XKR4: variants seen among roughly 807,000 people sequenced by gnomAD.
The protein encoded by XKR4 is XK related 4.
XKR4 carries 12 observed loss-of-function variants against 53.9 expected under a neutral mutation model. The observed-to-expected ratio is 0.22, with a 90% CI of 0.14 to 0.36. The LOEUF (loss-of-function observed/expected upper bound fraction) is 0.36, where lower values mean the gene tolerates loss of function less well. Among genes scored for constraint, XKR4 ranks in the 10% least tolerant of loss-of-function variants. The probability of loss-of-function intolerance (pLI) is 1.00; values close to 1 mark genes in which losing one functional copy is unlikely to be tolerated. For synonymous variants in XKR4, 354 were observed against 362.4 expected, an observed-to-expected ratio of 0.98 and a Z score of 0.26; for missense variants, 799 against 859.5, an observed-to-expected ratio of 0.93 and a Z score of 0.88.
chr8:55,291,911 G>C (rs1735055931), intron 1 of XKR4, among the ~76,000 whole-genome samples: 1 of 152,008 alleles, frequency 6.6e-6, no homozygotes, highest in African/African-American at 2.4e-5. Context: ...GTAGAATTTT[G>C]TCAAATGCTT....
intron 1 of XKR4, among the ~76,000 whole-genome samples, chr8:55,210,461 T>C (rs1817714708): frequency 6.6e-6 from 1 of 152,272 alleles, no homozygotes; most frequent in Non-Finnish European, 1.5e-5. Flanking sequence ...GTGATCAAGA[T>C]TAACTGCTGT....
intron 1 of XKR4, among the ~76,000 whole-genome samples, chr8:55,305,956 A>G (rs1041221328): frequency 1.3e-5 from 2 of 152,250 alleles, no homozygotes; most frequent in Non-Finnish European, 2.9e-5. Context: ...AGTGTATTCA[A>G]CCAAGAAATG....
intron 2 of XKR4, among the ~76,000 whole-genome samples, chr8:55,472,495 A>G (rs995537894): frequency 1.3e-5 from 2 of 152,146 alleles, no homozygotes; most frequent in Non-Finnish European, 2.9e-5. Context: ...CCTAAAGTGT[A>G]CAGAGGGAAA....
At chr8:55,464,102 G>A (rs1805714672) in intron 2 of XKR4, among the ~76,000 whole-genome samples, 1 of 152,154 alleles carries the variant, frequency 6.6e-6, no homozygotes, top group Admixed American at 6.5e-5. Flanking sequence ...TAGAAAAAGA[G>A]GGAATCCTCC....
At chr8:55,367,299 C>T (rs1044339122) in intron 2 of XKR4, among the ~76,000 whole-genome samples, 6 of 152,010 alleles carry the variant, frequency 3.9e-5, no homozygotes, top group Non-Finnish European at 8.8e-5. Context: ...TATGATTCCA[C>T]GTAACTGTAA....
At chr8:55,434,410 C>CAT (rs10660456) in intron 2 of XKR4, among the ~76,000 whole-genome samples, 1 of 148,150 alleles carries the variant, frequency 6.7e-6, no homozygotes, top group African/African-American at 2.5e-5. Context: ...TGATACCAAT[C>CAT]GTGTGTGTGT....
At position 55,329,758 on chromosome 8, in the gene XKR4, G is replaced by A. The variant is rs370544217; in HGVS notation, c.807-27920G>A. ...TCCACTCATGCAAATAAATCCTATT[G>A]TTTTATCATCAAGAAGTATACAAGA... On this transcript the variant is annotated intron_variant, in intron 1 of 2. Transcript: ENST00000327381. Among the ~76,000 whole-genome samples the A allele has an allele frequency of 2.0e-4, 31 of 152,198 alleles. No individual in the cohort carries two copies. The South Asian group carries it at 5.0e-3, about 24-fold the overall frequency.
At chr8:55,141,876 G>T (rs1450901347) in intron 1 of XKR4, among the ~76,000 whole-genome samples, 2 of 152,068 alleles carry the variant, frequency 1.3e-5, no homozygotes, top group African/African-American at 2.4e-5. Context: ...AGAGGGGTGG[G>T]GGGTCCCGTG....
chr8:55,396,085 C>T (rs1203075698), intron 2 of XKR4, among the ~76,000 whole-genome samples: 2 of 152,204 alleles, frequency 1.3e-5, no homozygotes, highest in African/African-American at 2.4e-5. Flanking sequence ...CTGACCACCT[C>T]CTAATACCAT....
Position 55,523,923 on chromosome 8 carries a change from C to T in XKR4, c.1649C>T (p.Ser550Phe), listed in dbSNP as rs1806842026. The T allele has an allele frequency of 3.7e-6, 6 of 1,614,092 alleles. No individual in the cohort carries two copies. Among genetic ancestry groups the T allele is most frequent in the African/African-American group, 1.3e-5 (1 of 74,930 alleles). Residue 550 changes from serine (S) to phenylalanine (F), a missense_variant, in exon 3 of 3, where the codon TCC becomes TTC. Coordinates refer to ENST00000327381, the MANE Select transcript of XKR4 (RefSeq NM_052898.2). ...DVATSTLRSI[S>F]NNRSVVSDRD... Reference sequence around the variant, plus strand: ...GCCACAAGCACCCTACGGTCCATCTCCAACAACCGCAGTGTTGTCAGCGAC... The same window carrying T: ...GCCACAAGCACCCTACGGTCCATCTTCAACAACCGCAGTGTTGTCAGCGAC...
chr8:55,352,173 T>C (rs1000495752), intron 1 of XKR4, among the ~76,000 whole-genome samples: 1 of 152,256 alleles, frequency 6.6e-6, no homozygotes, highest in Non-Finnish European at 1.5e-5. Flanking sequence ...AACAATGGAA[T>C]GGCCAGTTTT....
At chr8:55,479,764 T>C (rs539785970) in intron 2 of XKR4, among the ~76,000 whole-genome samples, 6 of 152,212 alleles carry the variant, frequency 3.9e-5, no homozygotes, top group Non-Finnish European at 7.4e-5. Flanking sequence ...GAGAATACTA[T>C]AAACACCTCT....
chr8:55,442,248 C>T (rs2975989), intron 2 of XKR4, among the ~76,000 whole-genome samples: 48,842 of 151,778 alleles, frequency 0.32, 7,947 homozygotes, highest in African/African-American at 0.37. Context: ...TGGAAAAATA[C>T]GTATTATAAA....
chr8:55,109,632 G>T (rs994702698), intron 1 of XKR4, among the ~76,000 whole-genome samples: 42 of 152,118 alleles, frequency 2.8e-4, no homozygotes, highest in African/African-American at 9.4e-4. Flanking sequence ...TGATGTCTTT[G>T]CAATAACTAG....
chr8:55,142,420 G>C (rs1816718667), intron 1 of XKR4: 1 of 269,652 alleles, frequency 3.7e-6, no homozygotes, highest in Non-Finnish European at 7.5e-6. Context: ...TGGCCCACTT[G>C]ATCCTCCCAG....
chr8:55,249,957 T>C (rs931595049), intron 1 of XKR4, among the ~76,000 whole-genome samples: 2 of 150,776 alleles, frequency 1.3e-5, no homozygotes, highest in African/African-American at 4.9e-5. Context: ...TACTTACTTA[T>C]TTTTTTTTAG....
chr8:55,376,064 C>A (rs1804147744), intron 2 of XKR4, among the ~76,000 whole-genome samples: 1 of 152,156 alleles, frequency 6.6e-6, no homozygotes. Context: ...CAATCTCTTT[C>A]CTTTTTATGG....
chr8:55,412,414 T>A (rs975000107), intron 2 of XKR4, among the ~76,000 whole-genome samples: 2 of 152,090 alleles, frequency 1.3e-5, no homozygotes, highest in African/African-American at 4.8e-5. Flanking sequence ...CTTATTTAAA[T>A]TTTTTTTAAA....
chr8:55,392,668 A>G (rs966519063), intron 2 of XKR4, among the ~76,000 whole-genome samples: 7 of 152,066 alleles, frequency 4.6e-5, no homozygotes, highest in East Asian at 1.9e-4. Flanking sequence ...GCGCATGCCT[A>G]TAGTCCCAGC....
Sources: gnomAD v4.1 joint callset for allele counts (sites outside exome capture counted in the v4.1 genomes callset) on GRCh38, gnomAD v4.1.1 for gene constraint, MANE v1.5 for transcripts, NCBI Gene and HGNC (gene_info 2026-07-23, HGNC 2026-07-21) for gene names.